SAE1: variants seen among roughly 807,000 people sequenced by gnomAD.
SAE1 encodes SUMO1 activating enzyme subunit 1, also known as SUMO-activating enzyme subunit 1.
SAE1 carries 11 observed loss-of-function variants against 40.6 expected under a neutral mutation model. The ratio of observed to expected loss-of-function variants is 0.27; its 90% confidence interval spans 0.17 to 0.45. SAE1 has a LOEUF of 0.45. Ranked by LOEUF, SAE1 falls within the 20% of genes least tolerant of loss-of-function variation. The probability of loss-of-function intolerance (pLI) is 1.00; values close to 1 mark genes in which losing one functional copy is unlikely to be tolerated. For missense variants in SAE1, 373 were observed against 427.3 expected (o/e 0.87, Z 1.12); for synonymous variants, 155 against 154.3 (o/e 1.00, Z -0.03).
intron 5 of SAE1, among the ~76,000 whole-genome samples, chr19:47,161,606 G>A (rs1271819514): frequency 6.6e-6 from 1 of 152,078 alleles, no homozygotes; most frequent in African/African-American, 2.4e-5. Context: ...ACAATGACAT[G>A]GAACTTATTA....
intron 2 of SAE1, among the ~76,000 whole-genome samples, chr19:47,145,954 T>TC (rs1256122863): frequency 1.3e-5 from 2 of 151,572 alleles, no homozygotes; most frequent in Non-Finnish European, 2.9e-5. Context: ...TTTTTTTTTT[T>TC]TCCGGAAACC....
At chr19:47,158,735 T>G (rs1235387054) in intron 5 of SAE1, among the ~76,000 whole-genome samples, 1 of 152,178 alleles carries the variant, frequency 6.6e-6, no homozygotes, top group African/African-American at 2.4e-5. Context: ...GGGAATCACA[T>G]CCAGTCTTGT....
Position 47,160,475 on chromosome 19 carries a change from A to T in SAE1, c.627+5262A>T, listed in dbSNP as rs190413145. On this transcript the variant is annotated intron_variant, in intron 5 of 8. Transcript: ENST00000270225. ...AGTGGTGCGATCTCAGCTCACTGCA[A>T]GCTCCACCTCCTGGGTTCATGCCGT... 6.9e-3 allele frequency among the ~76,000 whole-genome samples: 1,026 copies of T among 147,910 alleles called. 15 individuals carry two copies. Among genetic ancestry groups the T allele is most frequent in the African/African-American group, 0.025 (994 of 39,954 alleles).
At chr19:47,155,689 G>A (rs574297541) in intron 5 of SAE1, among the ~76,000 whole-genome samples, 2 of 150,140 alleles carry the variant, frequency 1.3e-5, no homozygotes, top group East Asian at 2.0e-4. Flanking sequence ...TGATCCACCC[G>A]CCTCAGCCTC....
chr19:47,176,046 G>C (rs957878965), intron 6 of SAE1, among the ~76,000 whole-genome samples: 8 of 152,182 alleles, frequency 5.3e-5, no homozygotes, highest in Non-Finnish European at 1.2e-4. Context: ...GAGAACTACT[G>C]TTAAGTTTTT....
At chr19:47,134,993 T>G (rs962511740) in intron 1 of SAE1, among the ~76,000 whole-genome samples, 1 of 152,174 alleles carries the variant, frequency 6.6e-6, no homozygotes. Flanking sequence ...TTTATTAAAG[T>G]GTTTTTTGTC....
intron 6 of SAE1, among the ~76,000 whole-genome samples, chr19:47,181,811 GA>G (rs2058508929): frequency 9.1e-6 from 1 of 110,232 alleles, no homozygotes; most frequent in African/African-American, 3.4e-5. Flanking sequence ...TAATTTTACA[GA>G]ATTTTTTTTT....
At chr19:47,196,315 G>T (rs1225571899) in intron 6 of SAE1, among the ~76,000 whole-genome samples, 6 of 130,398 alleles carry the variant, frequency 4.6e-5, no homozygotes, top group African/African-American at 1.7e-4. Context: ...GATTACAGGC[G>T]TGAGCCACCG....
chr19:47,154,509 T>TTTTG (rs1170158203), intron 4 of SAE1, among the ~76,000 whole-genome samples: 1 of 126,534 alleles, frequency 7.9e-6, no homozygotes, highest in African/African-American at 2.9e-5. Context: ...TTTTTTTTTT[T>TTTTG]TCTGAGACAG....
chr19:47,183,537 G>A (rs761261948), intron 6 of SAE1, among the ~76,000 whole-genome samples: 3 of 151,808 alleles, frequency 2.0e-5, no homozygotes, highest in Non-Finnish European at 4.4e-5. Flanking sequence ...TTCCACTTTT[G>A]CAGATGGGAA....
At position 47,192,655 on chromosome 19, in the gene SAE1, G is replaced by T. The variant is rs117484618; in HGVS notation, c.734-4578G>T. ...AATCCTGGGTTCAAGCAATTCTACT[G>T]CCTCAGCCTCCCAAGTACTTGATTA... is the stretch of plus-strand genomic sequence containing the variant. On this transcript the variant is annotated intron_variant, in intron 6 of 8. Transcript: ENST00000270225. Among the ~76,000 whole-genome samples the T allele has an allele frequency of 5.0e-3, 763 of 152,044 alleles. 3 individuals are homozygous for T. The highest frequency in any genetic ancestry group is 8.7e-3 in the Non-Finnish European group (591 of 68,000).
At chr19:47,183,648 C>T (rs941582602) in intron 6 of SAE1, among the ~76,000 whole-genome samples, 1 of 152,272 alleles carries the variant, frequency 6.6e-6, no homozygotes, top group Non-Finnish European at 1.5e-5. Context: ...ACTCCCCCAC[C>T]CACTTGGCAG....
At chr19:47,166,575 T>A (rs2058393616) in intron 5 of SAE1, among the ~76,000 whole-genome samples, 1 of 152,148 alleles carries the variant, frequency 6.6e-6, no homozygotes, top group Admixed American at 6.6e-5. Context: ...CAACTCCGTT[T>A]CATCATATAG....
chr19:47,139,212 T>C (rs1486475645), intron 1 of SAE1, among the ~76,000 whole-genome samples: 2 of 152,124 alleles, frequency 1.3e-5, no homozygotes, highest in Non-Finnish European at 2.9e-5. Flanking sequence ...TCGGCTAATT[T>C]TGTGTATTTT....
At chr19:47,143,419 G>A (rs2058234460) in intron 1 of SAE1, 75 bp from the exon 2 acceptor site, 4 of 1,234,858 alleles carry the variant, frequency 3.2e-6, no homozygotes, top group East Asian at 4.7e-5. Context: ...AAAATGATTT[G>A]TGTATTTTTT....
intron 1 of SAE1, among the ~76,000 whole-genome samples, chr19:47,135,174 A>G (rs1038025199): frequency 3.3e-5 from 5 of 152,288 alleles, no homozygotes; most frequent in Non-Finnish European, 7.3e-5. Flanking sequence ...TTGTGTTACA[A>G]ACAATCCAAT....
At chr19:47,163,122 T>C (rs186338794) in intron 5 of SAE1, among the ~76,000 whole-genome samples, 73 of 152,228 alleles carry the variant, frequency 4.8e-4, no homozygotes, top group African/African-American at 1.7e-3. Context: ...TTTCTATGTA[T>C]ATACAACAAA....
intron 3 of SAE1, 27 bp downstream of exon 3, chr19:47,150,402 G>A (rs755865053): frequency 6.4e-7 from 1 of 1,570,754 alleles, no homozygotes; most frequent in South Asian, 1.2e-5. Context: ...AAAATCTGCT[G>A]TGGGAATTAA....
intron 8 of SAE1, among the ~76,000 whole-genome samples, chr19:47,207,106 G>T (rs1454525561): frequency 6.6e-6 from 1 of 152,138 alleles, no homozygotes; most frequent in Non-Finnish European, 1.5e-5. Flanking sequence ...AACATGAGGA[G>T]ACCTCATCTC....
Sources: gnomAD v4.1 joint callset for allele counts (sites outside exome capture counted in the v4.1 genomes callset) on GRCh38, gnomAD v4.1.1 for gene constraint, MANE v1.5 for transcripts, NCBI Gene and HGNC (gene_info 2026-07-23, HGNC 2026-07-21) for gene names.